The following PPP4R4 variants were observed in gnomAD, a reference collection of about 807,000 sequenced individuals.
PPP4R4 encodes the protein serine/threonine-protein phosphatase 4 regulatory subunit 4.
Under a neutral mutation model 121.8 loss-of-function variants are expected in PPP4R4, and 70 were observed. That is an observed-to-expected ratio of 0.57 (90% CI 0.47 to 0.70). The LOEUF (loss-of-function observed/expected upper bound fraction) is 0.70. PPP4R4 is among the 30% of genes least tolerant of loss of function. The probability of loss-of-function intolerance (pLI) is 0.00; values close to 1 mark genes in which losing one functional copy is unlikely to be tolerated. For synonymous variants in PPP4R4, 348 were observed against 355.7 expected (o/e 0.98, Z 0.24); for missense variants, 875 against 1,033.6 (o/e 0.85, Z 2.10).
intron 20 of PPP4R4, 71 bp from the exon 21 acceptor site, chr14:94,265,316 G>A: frequency 9.1e-7 from 1 of 1,103,192 alleles, no homozygotes; most frequent in Non-Finnish European, 1.4e-6. Context: ...TGTCTGAGTT[G>A]TCTTGTGTAT....
rs780307034 is a variant in PPP4R4 at position 94,176,072 on chromosome 14, A to G, written c.136A>G (p.Arg46Gly). The G allele has an allele frequency of 3.1e-6, 5 of 1,612,612 alleles. No homozygotes were observed. In the South Asian group the frequency reaches 4.4e-5, roughly 14 times the overall value. ...TTGACAGACACCGGAAGAAATAGAA[A>G]GATTGACAGTCGATGAAGACCTCAG... ...RSLKTPEEIE[R>G]LTVDEDLSDI... Residue 46 changes from arginine to glycine, a missense_variant, in exon 2 of 25, where the codon AGA (arginine) becomes GGA (glycine). By Grantham distance (125) the Arg-to-Gly change is moderately radical (BLOSUM62 -2). Transcript: ENST00000304338.
intron 5 of PPP4R4, among the ~76,000 whole-genome samples, chr14:94,232,729 C>A (rs947552534): frequency 6.6e-6 from 1 of 152,190 alleles, no homozygotes; most frequent in Non-Finnish European, 1.5e-5. Context: ...ATTCTTGTTT[C>A]CATTTTAAAT....
At chr14:94,203,640 T>TTG (rs1890310190) in intron 2 of PPP4R4, among the ~76,000 whole-genome samples, 1 of 152,218 alleles carries the variant, frequency 6.6e-6, no homozygotes, top group Non-Finnish European at 1.5e-5. Context: ...TCCAAAGTGT[T>TTG]TTCCAGAGTG....
chr14:94,264,830 G>T, intron 19 of PPP4R4, 48 bp from the exon 20 acceptor site: 4 of 1,366,648 alleles, frequency 2.9e-6, no homozygotes, highest in Non-Finnish European at 4.1e-6. Context: ...CAATTTTCTA[G>T]ACCTACTTCA....
chr14:94,225,451 G>A (rs1044086330), intron 3 of PPP4R4, among the ~76,000 whole-genome samples: 62 of 143,410 alleles, frequency 4.3e-4, no homozygotes, highest in Non-Finnish European at 8.5e-4. Flanking sequence ...CCCCTCTGCA[G>A]TAGGAATAAG....
At chr14:94,250,298 A>G (rs116285657) in intron 15 of PPP4R4, 21 bp downstream of exon 15, 2 of 1,528,352 alleles carry the variant, frequency 1.3e-6, no homozygotes, top group East Asian at 2.3e-5. Context: ...ATTGTCTACT[A>G]TTTTGAAAAA....
intron 2 of PPP4R4, among the ~76,000 whole-genome samples, chr14:94,181,615 A>G (rs1443030084): frequency 6.6e-6 from 1 of 152,200 alleles, no homozygotes; most frequent in African/African-American, 2.4e-5. Flanking sequence ...CATTTACAAT[A>G]TCAAGTTCAG....
intron 2 of PPP4R4, among the ~76,000 whole-genome samples, chr14:94,180,315 G>A (rs1888906743): frequency 6.6e-6 from 1 of 152,132 alleles, no homozygotes; most frequent in South Asian, 2.1e-4. Context: ...TTTGCTAATA[G>A]TATTTATCAG....
chr14:94,222,005 C>G (rs1281435157), intron 3 of PPP4R4, among the ~76,000 whole-genome samples: 1 of 151,946 alleles, frequency 6.6e-6, no homozygotes, highest in Non-Finnish European at 1.5e-5. Flanking sequence ...TGATATAATA[C>G]TCTTTACATA....
At chr14:94,257,883 T>A (rs1287147180) in intron 17 of PPP4R4, among the ~76,000 whole-genome samples, 1 of 152,132 alleles carries the variant, frequency 6.6e-6, no homozygotes, top group Non-Finnish European at 1.5e-5. Flanking sequence ...CTATAGTGGA[T>A]TATTCTGGAG....
chr14:94,197,953 A>G (rs1430202483), intron 2 of PPP4R4, among the ~76,000 whole-genome samples: 2 of 152,204 alleles, frequency 1.3e-5, no homozygotes, highest in African/African-American at 4.8e-5. Context: ...CTTGTTAGTG[A>G]ACATCTGGAT....
chr14:94,240,806 T>G lies in PPP4R4; in HGVS notation c.976+11T>G. 6.7e-7 allele frequency: 1 copy of G among 1,502,468 alleles called. No individual in the cohort carries two copies. The highest frequency in any genetic ancestry group is 8.8e-7 in the Non-Finnish European group (1 of 1,131,632). The allele number at this position is 1,502,468 out of a possible 1,614,324, so 93.1% of individuals were successfully genotyped here. ...GTCATGGACTATATGGTATGATATA[T>G]CCTAAGAATTTTGAGACTGTAGATA... On this transcript the variant is annotated intron_variant, in intron 9 of 24. Transcript: ENST00000304338.
intron 21 of PPP4R4, 31 bp from the exon 22 acceptor site, chr14:94,265,763 A>G (rs1415912272): frequency 6.8e-7 from 1 of 1,471,530 alleles, no homozygotes; most frequent in African/African-American, 1.4e-5. Flanking sequence ...TGAACTGAAT[A>G]CATTTTTCTT....
intron 2 of PPP4R4, among the ~76,000 whole-genome samples, chr14:94,182,202 A>G (rs1889030941): frequency 6.6e-6 from 1 of 152,084 alleles, no homozygotes; most frequent in South Asian, 2.1e-4. Flanking sequence ...GTTTGCCTTT[A>G]TAGATTTAAA....
chr14:94,225,906 T>A (rs774958037), intron 3 of PPP4R4, among the ~76,000 whole-genome samples: 19 of 152,186 alleles, frequency 1.2e-4, no homozygotes, highest in Non-Finnish European at 2.2e-4. Context: ...AGACTTTCCA[T>A]GGCTGCTTTT....
chr14:94,225,239 T>A (rs984851764), intron 3 of PPP4R4, among the ~76,000 whole-genome samples: 3 of 152,156 alleles, frequency 2.0e-5, no homozygotes, highest in Non-Finnish European at 2.9e-5. Context: ...ATAAAAATCA[T>A]CTGCATACAG....
chr14:94,270,478 C>A (rs1894266268), intron 23 of PPP4R4, among the ~76,000 whole-genome samples: 1 of 152,130 alleles, frequency 6.6e-6, no homozygotes, highest in Non-Finnish European at 1.5e-5. Context: ...AGTTTGATTT[C>A]AACAATTACT....
chr14:94,265,581 T>C, intron 21 of PPP4R4, 108 bp downstream of exon 21: 1 of 1,018,362 alleles, frequency 9.8e-7, no homozygotes, highest in South Asian at 1.5e-5. Context: ...ATATATCTCA[T>C]TCTAAAGCAC....
At chr14:94,204,654 G>A (rs1421157629) in intron 2 of PPP4R4, among the ~76,000 whole-genome samples, 1 of 152,080 alleles carries the variant, frequency 6.6e-6, no homozygotes, top group Non-Finnish European at 1.5e-5. Context: ...TTGTGTTAAA[G>A]CTGTATACCA....
Sources: gnomAD v4.1 joint callset for allele counts (sites outside exome capture counted in the v4.1 genomes callset) on GRCh38, gnomAD v4.1.1 for gene constraint, MANE v1.5 for transcripts, NCBI Gene and HGNC (gene_info 2026-07-23, HGNC 2026-07-21) for gene names.